Variants in MKLN1 observed in about 807,000 individuals in gnomAD.
The protein encoded by MKLN1 is muskelin 1.
Under a neutral mutation model 99.0 loss-of-function variants are expected in MKLN1, and 18 were observed. The observed-to-expected ratio is 0.18, with a 90% CI of 0.13 to 0.27. The LOEUF (loss-of-function observed/expected upper bound fraction) is 0.27. Ranked by LOEUF, MKLN1 falls within the 10% of genes least tolerant of loss-of-function variation. The pLI, the probability that MKLN1 is intolerant of heterozygous loss-of-function variation, is 1.00. For missense variants in MKLN1, 621 were observed against 875.9 expected (o/e 0.71, Z 3.67); for synonymous variants, 288 against 293.2 (o/e 0.98, Z 0.18).
At chr7:131,266,739 T>C (rs545225604) in intron 3 of MKLN1, among the ~76,000 whole-genome samples, 1 of 152,096 alleles carries the variant, frequency 6.6e-6, no homozygotes, top group South Asian at 2.1e-4. Flanking sequence ...CCATGGGAAC[T>C]AATGCCTTAC....
chr7:131,386,599 G>A (rs1322823063), intron 2 of MKLN1, among the ~76,000 whole-genome samples: 1 of 152,132 alleles, frequency 6.6e-6, no homozygotes, highest in South Asian at 2.1e-4. Context: ...TATCCAATGT[G>A]TAATAGGAAA....
chr7:131,281,700 T>G (rs997969199), intron 3 of MKLN1, among the ~76,000 whole-genome samples: 4 of 152,024 alleles, frequency 2.6e-5, no homozygotes, highest in Admixed American at 1.3e-4. Context: ...TTTTTTTTTT[T>G]GTTTACAGTC....
At chr7:131,203,113 A>G (rs1796755665) in intron 3 of MKLN1, 1 of 152,246 alleles carries the variant, frequency 6.6e-6, no homozygotes, top group African/African-American at 2.4e-5. Context: ...CACATTTCAC[A>G]TAATGTTATT....
intron 3 of MKLN1, among the ~76,000 whole-genome samples, chr7:131,237,372 G>T (rs1315593759): frequency 6.6e-6 from 1 of 152,074 alleles, no homozygotes; most frequent in African/African-American, 2.4e-5. Context: ...GCAGAAAAAA[G>T]ATCTGAAAAA....
At chr7:131,419,312 A>G (rs1291059382) in intron 8 of MKLN1, among the ~76,000 whole-genome samples, 1 of 137,700 alleles carries the variant, frequency 7.3e-6, no homozygotes, top group Admixed American at 7.8e-5. Flanking sequence ...GTGCAGTGGC[A>G]TGATCTCGGC....
At chr7:131,465,314 C>T (rs1796626774) in intron 14 of MKLN1, among the ~76,000 whole-genome samples, 1 of 151,898 alleles carries the variant, frequency 6.6e-6, no homozygotes, top group Admixed American at 6.6e-5. Flanking sequence ...GCAGTTATAC[C>T]TCTCACTTCT....
intron 2 of MKLN1, among the ~76,000 whole-genome samples, chr7:131,174,163 G>A (rs1438784294): frequency 3.3e-5 from 5 of 151,862 alleles, no homozygotes; most frequent in African/African-American, 7.3e-5. Flanking sequence ...TAGTAGAGAC[G>A]GGGTTTCACT....
At chr7:131,215,942 C>G (rs1796975111) in intron 3 of MKLN1, among the ~76,000 whole-genome samples, 2 of 152,132 alleles carry the variant, frequency 1.3e-5, no homozygotes, top group Admixed American at 6.5e-5. Context: ...AGCAGTGAAC[C>G]TGGTTTACCA....
intron 3 of MKLN1, among the ~76,000 whole-genome samples, chr7:131,235,397 G>A (rs1198070481): frequency 6.6e-6 from 1 of 152,038 alleles, no homozygotes; most frequent in African/African-American, 2.4e-5. Context: ...TTTCTCAGCA[G>A]AATGTATGTT....
At chr7:131,272,760 C>G (rs1429736941) in intron 3 of MKLN1, among the ~76,000 whole-genome samples, 1 of 152,076 alleles carries the variant, frequency 6.6e-6, no homozygotes, top group African/African-American at 2.4e-5. Flanking sequence ...AAGTGGAAAC[C>G]CCTGATAAAC....
intron 8 of MKLN1, among the ~76,000 whole-genome samples, chr7:131,417,080 T>G (rs1191995440): frequency 6.6e-6 from 1 of 151,800 alleles, no homozygotes; most frequent in Non-Finnish European, 1.5e-5. Context: ...CGAGAATGAC[T>G]ATTGTAGTCA....
intron 12 of MKLN1, among the ~76,000 whole-genome samples, chr7:131,459,842 C>CT (rs1324767857): frequency 1.3e-5 from 2 of 152,118 alleles, no homozygotes; most frequent in South Asian, 4.1e-4. Context: ...TTCAGGGAAA[C>CT]TTTATTTTTT....
intron 1 of MKLN1, among the ~76,000 whole-genome samples, chr7:131,339,808 A>G (rs535859724): frequency 6.6e-6 from 1 of 152,174 alleles, no homozygotes; most frequent in Admixed American, 6.5e-5. Context: ...ATGGAATCTT[A>G]TATTTATGTG....
intron 3 of MKLN1, among the ~76,000 whole-genome samples, chr7:131,228,772 T>G (rs756561427): frequency 2.6e-5 from 4 of 152,232 alleles, no homozygotes; most frequent in Non-Finnish European, 4.4e-5. Context: ...CCATGCTACA[T>G]TTTCCCATCA....
At chr7:131,401,994 T>C (rs1190948453) in intron 6 of MKLN1, among the ~76,000 whole-genome samples, 1 of 152,202 alleles carries the variant, frequency 6.6e-6, no homozygotes, top group Non-Finnish European at 1.5e-5. Context: ...TGTGACAGTT[T>C]CTTAAAATAA....
At chr7:131,391,415 A>G (rs1438500148) in intron 4 of MKLN1, among the ~76,000 whole-genome samples, 1 of 152,252 alleles carries the variant, frequency 6.6e-6, no homozygotes, top group Non-Finnish European at 1.5e-5. Flanking sequence ...AGCAAGGCTA[A>G]CACAATGGCA....
At chr7:131,228,090 G>T (rs1420257473) in intron 3 of MKLN1, among the ~76,000 whole-genome samples, 1 of 151,360 alleles carries the variant, frequency 6.6e-6, no homozygotes, top group East Asian at 2.0e-4. Context: ...TTGAGACAGG[G>T]TCTCCCTCTG....
At chr7:131,278,569 T>G (rs1798007495) in intron 3 of MKLN1, among the ~76,000 whole-genome samples, 2 of 152,124 alleles carry the variant, frequency 1.3e-5, no homozygotes, top group Admixed American at 1.3e-4. Flanking sequence ...AGTTGTGGTA[T>G]TAATAGTAAC....
At chr7:131,211,774 T>G (rs1172823012) in intron 3 of MKLN1, among the ~76,000 whole-genome samples, 1 of 152,192 alleles carries the variant, frequency 6.6e-6, no homozygotes, top group African/African-American at 2.4e-5. Context: ...GGGTGATTAC[T>G]CTAGGAGGCT....
Sources: gnomAD v4.1 joint callset for allele counts (sites outside exome capture counted in the v4.1 genomes callset) on GRCh38, gnomAD v4.1.1 for gene constraint, MANE v1.5 for transcripts, NCBI Gene and HGNC (gene_info 2026-07-23, HGNC 2026-07-21) for gene names.